The following TAS2R1 variants were observed in gnomAD, a reference collection of about 807,000 sequenced individuals.
TAS2R1 encodes taste receptor type 2 member 1.
For synonymous variants in TAS2R1, 141 were observed against 134.2 expected, an observed-to-expected ratio of 1.05 and a Z score of -0.35; for missense variants, 370 against 353.4, an observed-to-expected ratio of 1.05 and a Z score of -0.38.
chr5:9,778,150 G>C, the TAS2R1 span, among the ~76,000 whole-genome samples: 1 of 151,536 alleles, frequency 6.6e-6, no homozygotes, highest in Admixed American at 6.6e-5. Flanking sequence ...AAAGTGCTGG[G>C]ATTACAGGCG....
chr5:9,806,745 A>G, the TAS2R1 span, among the ~76,000 whole-genome samples: 1 of 152,168 alleles, frequency 6.6e-6, no homozygotes, highest in Non-Finnish European at 1.5e-5. Context: ...TACAAAAATC[A>G]ACTCAAGATA....
chr5:9,716,202 A>G (rs116700411), upstream of TAS2R1, among the ~76,000 whole-genome samples: 989 of 152,110 alleles, frequency 6.5e-3, 5 homozygotes, highest in African/African-American at 0.022. Context: ...GCTGGGGAGG[A>G]GCCTCGGGAA....
chr5:9,878,385 G>A, the TAS2R1 span, among the ~76,000 whole-genome samples: 1 of 152,240 alleles, frequency 6.6e-6, no homozygotes, highest in South Asian at 2.1e-4. Context: ...CTGATCATCT[G>A]ATTGCTTTCC....
the TAS2R1 span, among the ~76,000 whole-genome samples, chr5:9,882,728 T>C: frequency 6.6e-6 from 1 of 152,194 alleles, no homozygotes; most frequent in Non-Finnish European, 1.5e-5. Flanking sequence ...TTGGTGAGAT[T>C]GTAAATTAGT....
At chr5:9,883,649 A>G in the TAS2R1 span, among the ~76,000 whole-genome samples, 5 of 152,152 alleles carry the variant, frequency 3.3e-5, no homozygotes, top group African/African-American at 1.2e-4. Flanking sequence ...AGCTTCACCG[A>G]GAATTCAGTG....
At chr5:9,837,502 C>CTA in the TAS2R1 span, among the ~76,000 whole-genome samples, 5 of 152,346 alleles carry the variant, frequency 3.3e-5, no homozygotes, top group Middle Eastern at 3.4e-3. Context: ...GTTCCTGGAT[C>CTA]TATATATCAA....
chr5:9,807,260 T>G, the TAS2R1 span, among the ~76,000 whole-genome samples: 4 of 152,140 alleles, frequency 2.6e-5, no homozygotes, highest in Non-Finnish European at 5.9e-5. Context: ...TAATAGATGA[T>G]GGCATGGATG....
intron 1 of TAS2R1, among the ~76,000 whole-genome samples, chr5:9,702,003 T>C (rs907216186): frequency 3.9e-5 from 6 of 152,188 alleles, no homozygotes; most frequent in African/African-American, 1.4e-4. Flanking sequence ...GAAGTTAGAT[T>C]TCCCATCTTC....
chr5:9,739,878 G>A, the TAS2R1 span, among the ~76,000 whole-genome samples: 2 of 152,164 alleles, frequency 1.3e-5, no homozygotes, highest in Admixed American at 6.5e-5. Flanking sequence ...AAATAATGGT[G>A]CATTTTATAT....
In TAS2R1 at chr5:9,629,701, C is replaced by T. The variant is rs41469; in HGVS notation, c.332G>A (p.Arg111His). Reference protein sequence around the residue: ...VFYCAKVASVRHPLFIWLKMR... With the variant: ...VFYCAKVASVHHPLFIWLKMR... ...CTTCAACCAGATGAAGAGTGGGTGACGGACGCTGGCAACCTTGGCACAATA... is the reference window on the plus strand; with the variant it reads ...CTTCAACCAGATGAAGAGTGGGTGATGGACGCTGGCAACCTTGGCACAATA... Residue 111 changes from arginine to histidine, a missense_variant, in exon 1 of 1, where the codon CGT (arginine) becomes CAT (histidine). By Grantham distance (29) the Arg-to-His change is conservative. Transcript: ENST00000382492. The T allele has an allele frequency of 0.029, 46,419 of 1,613,932 alleles. 5,859 individuals are homozygous for T. In the East Asian group the frequency reaches 0.45, roughly 16 times the overall value.
chr5:9,889,275 G>T, the TAS2R1 span, among the ~76,000 whole-genome samples: 1 of 152,116 alleles, frequency 6.6e-6, no homozygotes, highest in African/African-American at 2.4e-5. Context: ...CAGTCTTACT[G>T]TACTGATGAT....
intron 1 of TAS2R1, among the ~76,000 whole-genome samples, chr5:9,686,961 T>C (rs987975223): frequency 2.0e-5 from 3 of 152,184 alleles, no homozygotes; most frequent in Admixed American, 2.0e-4. Context: ...TGTCTTCCTG[T>C]ATTTATTTAT....
At chr5:9,679,999 T>C (rs747657367) in intron 1 of TAS2R1, among the ~76,000 whole-genome samples, 2 of 152,078 alleles carry the variant, frequency 1.3e-5, no homozygotes, top group Non-Finnish European at 2.9e-5. Flanking sequence ...GAAATATACA[T>C]GATAAGCCTA....
upstream of TAS2R1, among the ~76,000 whole-genome samples, chr5:9,632,304 T>C (rs1006123107): frequency 2.6e-5 from 4 of 152,224 alleles, no homozygotes; most frequent in Non-Finnish European, 5.9e-5. Flanking sequence ...AAAATGCTAA[T>C]GATCATCTGA....
At chr5:9,894,260 C>A in the TAS2R1 span, among the ~76,000 whole-genome samples, 2,573 of 152,146 alleles carry the variant, frequency 0.017, 71 homozygotes, top group African/African-American at 0.056. Context: ...AAAAATTAGC[C>A]AGCCGTGGTG....
the TAS2R1 span, among the ~76,000 whole-genome samples, chr5:9,718,349 T>C: frequency 1.3e-5 from 2 of 152,218 alleles, no homozygotes; most frequent in African/African-American, 4.8e-5. Flanking sequence ...ATGTCACTAA[T>C]GTACAAGGCA....
At chr5:9,891,807 T>C in the TAS2R1 span, among the ~76,000 whole-genome samples, 1 of 152,188 alleles carries the variant, frequency 6.6e-6, no homozygotes, top group South Asian at 2.1e-4. Flanking sequence ...AAAGAACTTC[T>C]GTACCCCAAG....
chr5:9,802,776 A>G, the TAS2R1 span, among the ~76,000 whole-genome samples: 10 of 152,216 alleles, frequency 6.6e-5, no homozygotes, highest in African/African-American at 2.4e-4. Context: ...GGTGGCGGGC[A>G]TCTGTAGTCC....
At chr5:9,807,601 C>T in the TAS2R1 span, among the ~76,000 whole-genome samples, 1 of 152,084 alleles carries the variant, frequency 6.6e-6, no homozygotes, top group Admixed American at 6.6e-5. Flanking sequence ...ATGGCATTCA[C>T]AGCAATCTGA....
Sources: allele counts gnomAD v4.1 joint callset (sites outside exome capture counted in the v4.1 genomes callset), GRCh38; gene constraint gnomAD v4.1.1; transcripts MANE v1.5; gene names NCBI Gene and HGNC (gene_info 2026-07-23, HGNC 2026-07-21).